MBOAT1: variants seen among roughly 807,000 people sequenced by gnomAD.
The protein encoded by MBOAT1 is membrane bound glycerophospholipid O-acyltransferase 1, also known as membrane-bound glycerophospholipid O-acyltransferase 1.
A neutral mutation model predicts 64.4 loss-of-function variants in MBOAT1; 67 were observed. That is an observed-to-expected ratio of 1.04 (90% confidence interval 0.85 to 1.27). The LOEUF (loss-of-function observed/expected upper bound fraction) is 1.27, where lower values mean the gene tolerates loss of function less well. Ranked by LOEUF, MBOAT1 falls within the 50% of genes most tolerant of loss-of-function variation. The pLI is 0.00. For missense variants in MBOAT1, 563 were observed against 604.6 expected, an observed-to-expected ratio of 0.93 and a Z score of 0.72; for synonymous variants, 229 against 218.9, an observed-to-expected ratio of 1.05 and a Z score of -0.41.
chr6:20,128,654 C>T (rs910121976), intron 6 of MBOAT1, 45 bp downstream of exon 6: 6 of 1,423,494 alleles, frequency 4.2e-6, no homozygotes, highest in Non-Finnish European at 4.8e-6. Context: ...TCTCTAGATA[C>T]TGATATGCAA....
At position 20,168,502 on chromosome 6, in the gene MBOAT1, AGAGAG is replaced by A. The variant is rs1226993180; in HGVS notation, c.100-15738_100-15734del. ...GACAGAGACAGAGACAGAGAGAGAG[AGAGAG>A]GAGAGGAGAGGAGAGGAGAGAAGAG... On this transcript the variant is annotated intron_variant, in intron 1 of 12. Transcript: ENST00000324607. Among the ~76,000 whole-genome samples, 237 of 92,896 alleles carry A rather than the reference AGAGAG, an allele frequency of 2.6e-3. 2 individuals are homozygous for A. The highest frequency in any genetic ancestry group is 0.011 in the African/African-American group (192 of 17,910). The allele number at this position is 92,896 out of a possible 152,430, so 60.9% of individuals were successfully genotyped here. A position where few individuals can be genotyped will look rare whatever the true frequency, so the allele number is the denominator to read the frequency against.
intron 8 of MBOAT1, among the ~76,000 whole-genome samples, chr6:20,123,349 C>A (rs1460778727): frequency 6.6e-6 from 1 of 152,124 alleles, no homozygotes; most frequent in East Asian, 1.9e-4. Flanking sequence ...AAGCGCAGGT[C>A]GCTTGCAGCT....
chr6:20,111,234 C>G (rs144094057), intron 11 of MBOAT1, among the ~76,000 whole-genome samples: 80 of 152,242 alleles, frequency 5.3e-4, no homozygotes, highest in Admixed American at 7.2e-4. Flanking sequence ...AAAGGCAGAG[C>G]TGAAAGCAAT....
intron 1 of MBOAT1, among the ~76,000 whole-genome samples, chr6:20,161,509 T>C (rs1761860699): frequency 6.6e-6 from 1 of 152,082 alleles, no homozygotes; most frequent in Non-Finnish European, 1.5e-5. Flanking sequence ...GGACTGCTGC[T>C]CTCATTGATA....
At chr6:20,105,916 T>A (rs569253777) in intron 12 of MBOAT1, among the ~76,000 whole-genome samples, 2 of 152,380 alleles carry the variant, frequency 1.3e-5, no homozygotes, top group South Asian at 4.1e-4. Context: ...TCATAATATA[T>A]TTAAGTATTC....
chr6:20,193,180 G>C (rs1277009497), intron 1 of MBOAT1, among the ~76,000 whole-genome samples: 1 of 149,668 alleles, frequency 6.7e-6, no homozygotes, highest in East Asian at 2.0e-4. Flanking sequence ...TAATTTTTTT[G>C]TATTTTTAGT....
chr6:20,145,539 T>C (rs1761303470), intron 3 of MBOAT1, among the ~76,000 whole-genome samples: 1 of 152,206 alleles, frequency 6.6e-6, no homozygotes, highest in African/African-American at 2.4e-5. Flanking sequence ...AACAACTATG[T>C]GACAGCTACT....
intron 1 of MBOAT1, among the ~76,000 whole-genome samples, chr6:20,171,760 G>T (rs113147669): frequency 6.6e-6 from 1 of 152,020 alleles, no homozygotes; most frequent in Admixed American, 6.5e-5. Flanking sequence ...GAAGCCAGGC[G>T]CAGTGGCTCA....
chr6:20,175,044 T>C (rs1191312772), intron 1 of MBOAT1, among the ~76,000 whole-genome samples: 2 of 152,112 alleles, frequency 1.3e-5, no homozygotes, highest in Non-Finnish European at 2.9e-5. Flanking sequence ...GTCTGGTAGA[T>C]ACTAAAGGCA....
At position 20,196,882 on chromosome 6, in the gene MBOAT1, C is replaced by CA. The variant is rs925641953; in HGVS notation, c.99+15253dup. 2.3e-3 allele frequency among the ~76,000 whole-genome samples: 341 copies of CA among 145,918 alleles called. 2 individuals carry two copies. The highest frequency in any genetic ancestry group is 5.5e-3 in the African/African-American group (220 of 39,758). On this transcript the variant is annotated intron_variant, in intron 1 of 12. Transcript: ENST00000324607. ...CATCTCAAAAAAAAAAACAAACAAA[C>CA]AAAAAAAAAACTGAACTGTACACTT...
intron 8 of MBOAT1, among the ~76,000 whole-genome samples, chr6:20,121,843 A>C (rs1297138192): frequency 6.6e-6 from 1 of 152,142 alleles, no homozygotes; most frequent in Non-Finnish European, 1.5e-5. Context: ...ACACATACAC[A>C]TTCACTCAGA....
chr6:20,135,188 T>C (rs946105148), intron 4 of MBOAT1, among the ~76,000 whole-genome samples: 1 of 152,138 alleles, frequency 6.6e-6, no homozygotes, highest in Non-Finnish European at 1.5e-5. Context: ...AGTAGGGCTA[T>C]TTTACTATTG....
intron 1 of MBOAT1, among the ~76,000 whole-genome samples, chr6:20,202,158 T>C (rs1763140368): frequency 6.6e-6 from 1 of 152,170 alleles, no homozygotes; most frequent in Non-Finnish European, 1.5e-5. Flanking sequence ...CTTTGCTGAC[T>C]CATCTGTTTC....
chr6:20,120,232 A>C (rs562041280), intron 8 of MBOAT1, among the ~76,000 whole-genome samples: 1 of 152,296 alleles, frequency 6.6e-6, no homozygotes, highest in East Asian at 1.9e-4. Context: ...CCTTGAGCAT[A>C]AAATGGATAT....
At chr6:20,157,485 T>C (rs952481935) in intron 1 of MBOAT1, among the ~76,000 whole-genome samples, 1 of 152,150 alleles carries the variant, frequency 6.6e-6, no homozygotes, top group Non-Finnish European at 1.5e-5. Context: ...TCTAGGCAAA[T>C]TTTTTTGTAA....
At chr6:20,139,546 CTTTTTTT>C (rs70990010) in intron 4 of MBOAT1, among the ~76,000 whole-genome samples, 7 of 69,186 alleles carry the variant, frequency 1.0e-4, no homozygotes, top group African/African-American at 3.8e-4. Flanking sequence ...ACATTTTAAC[CTTTTTTT>C]TTTTTTTTTT....
intron 1 of MBOAT1, among the ~76,000 whole-genome samples, chr6:20,174,450 C>T (rs1304213412): frequency 6.6e-6 from 1 of 152,124 alleles, no homozygotes; most frequent in African/African-American, 2.4e-5. Flanking sequence ...TGTATCTAAA[C>T]ATAGAAAAGA....
chr6:20,193,099 G>A (rs1762854568), intron 1 of MBOAT1, among the ~76,000 whole-genome samples: 4 of 136,216 alleles, frequency 2.9e-5, no homozygotes, highest in Admixed American at 8.3e-5. Context: ...TCCGTCTCCC[G>A]GGTTCACGCC....
At chr6:20,151,370 T>C in intron 2 of MBOAT1, 108 bp from the exon 3 acceptor site, 1 of 680,952 alleles carries the variant, frequency 1.5e-6, no homozygotes, top group Non-Finnish European at 2.6e-6. Context: ...AAAACACAAA[T>C]GATCAATGAT....
Sources: allele counts gnomAD v4.1 joint callset (sites outside exome capture counted in the v4.1 genomes callset), GRCh38; gene constraint gnomAD v4.1.1; transcripts MANE v1.5; gene names NCBI Gene and HGNC (gene_info 2026-07-23, HGNC 2026-07-21).